The following ZZZ3 variants were observed in gnomAD, a reference collection of about 807,000 sequenced individuals.
The protein encoded by ZZZ3 is ZZ-type zinc finger-containing protein 3.
In ZZZ3, 22 loss-of-function variants were observed where a neutral mutation model predicts 95.2. The observed-to-expected ratio is 0.23, with a 90% CI of 0.17 to 0.33. The LOEUF is 0.33. Among genes scored for constraint, ZZZ3 ranks in the 10% least tolerant of loss-of-function variants. The pLI is 1.00. For missense variants in ZZZ3, 885 were observed against 1,066.5 expected (o/e 0.83, Z 2.37); for synonymous variants, 335 against 358.9 (o/e 0.93, Z 0.75).
chr1:77,620,318 CATTTT>C (rs1318969021), intron 5 of ZZZ3, among the ~76,000 whole-genome samples: 17 of 152,148 alleles, frequency 1.1e-4, no homozygotes, highest in African/African-American at 3.9e-4. Context: ...TGCAATGATT[CATTTT>C]AAAGAGTCGA....
At chr1:77,638,200 A>G (rs1380593319) in intron 4 of ZZZ3, among the ~76,000 whole-genome samples, 1 of 152,164 alleles carries the variant, frequency 6.6e-6, no homozygotes, top group Admixed American at 6.5e-5. Context: ...ATATCTGAGA[A>G]GGACTAGTCA....
intron 4 of ZZZ3, among the ~76,000 whole-genome samples, chr1:77,637,805 A>C (rs760907783): frequency 3.3e-5 from 5 of 152,232 alleles, no homozygotes; most frequent in Non-Finnish European, 7.3e-5. Context: ...TACAATAAAG[A>C]AGCTTAGAGT....
chr1:77,678,770 T>A (rs941795583), intron 1 of ZZZ3, among the ~76,000 whole-genome samples: 3 of 152,232 alleles, frequency 2.0e-5, no homozygotes, highest in African/African-American at 7.2e-5. Flanking sequence ...AGTTTCCTAA[T>A]AAAGGCTAAT....
chr1:77,613,826 T>C (rs561868246), intron 5 of ZZZ3, among the ~76,000 whole-genome samples: 1 of 152,252 alleles, frequency 6.6e-6, no homozygotes, highest in African/African-American at 2.4e-5. Flanking sequence ...TATTAAAATT[T>C]GAAAATCTAG....
chr1:77,638,340 T>C lies in ZZZ3; in HGVS notation c.-52+1109A>G, dbSNP rs528479811. Among the ~76,000 whole-genome samples the C allele has an allele frequency of 1.9e-3, 286 of 152,320 alleles. 4 individuals carry two copies. Among genetic ancestry groups the C allele is most frequent in the African/African-American group, 6.6e-3 (273 of 41,572 alleles). ...ATCTACTGTTACCCAAATATAACTA[T>C]AGGATTCTGAAAAACACTCTTTGAA... On this transcript the variant is annotated intron_variant, in intron 4 of 14. Transcript: ENST00000370801.
At chr1:77,664,086 G>GAA (rs956746859) in intron 1 of ZZZ3, among the ~76,000 whole-genome samples, 1 of 133,614 alleles carries the variant, frequency 7.5e-6, no homozygotes, top group Non-Finnish European at 1.6e-5. Context: ...AAATGTCTTG[G>GAA]AAAAAAAAAA....
intron 4 of ZZZ3, among the ~76,000 whole-genome samples, chr1:77,636,927 T>C (rs901889373): frequency 6.6e-6 from 1 of 152,214 alleles, no homozygotes; most frequent in African/African-American, 2.4e-5. Flanking sequence ...GCTAGGATTG[T>C]CAAATTCTGT....
chr1:77,668,498 A>C (rs551514538), intron 1 of ZZZ3, among the ~76,000 whole-genome samples: 1 of 152,332 alleles, frequency 6.6e-6, no homozygotes, highest in South Asian at 2.1e-4. Context: ...TATCAAGTAC[A>C]TTATATACTC....
intron 13 of ZZZ3, 131 bp downstream of exon 13, chr1:77,568,201 C>T (rs1228654233): frequency 3.0e-6 from 2 of 660,896 alleles, no homozygotes; most frequent in Non-Finnish European, 4.8e-6. Flanking sequence ...ATCGCTTGAA[C>T]CCGGGAGGCA....
chr1:77,631,950 C>A lies in ZZZ3; in HGVS notation c.1405G>T (p.Ala469Ser). 1 of 1,614,060 alleles carries A rather than the reference C, an allele frequency of 6.2e-7. No homozygotes were observed. The highest frequency in any genetic ancestry group is 1.1e-5 in the South Asian group (1 of 91,070). ...ARLNIGHLPS[A>S]KESASQHITE... ...ATGTGCTGACTGGCACTCTCTTTGG[C>A]AGATGGCAAATGTCCAATATTGAGT... Residue 469 changes from alanine (A) to serine (S), a missense_variant, in exon 5 of 15, where the codon GCC becomes TCC. Physicochemically the swap from Ala to Ser is moderately conservative, Grantham distance 99. This residue lies in a region of ZZZ3 where 556 missense variants were observed against 652.9 expected (regional missense o/e 0.85). Transcript: ENST00000370801.
At chr1:77,665,640 T>C (rs975980704) in intron 1 of ZZZ3, among the ~76,000 whole-genome samples, 1 of 152,212 alleles carries the variant, frequency 6.6e-6, no homozygotes, top group African/African-American at 2.4e-5. Context: ...AATACTGGAA[T>C]GTTTAAGAAA....
At chr1:77,600,958 T>G (rs1024804465) in intron 5 of ZZZ3, among the ~76,000 whole-genome samples, 1 of 152,190 alleles carries the variant, frequency 6.6e-6, no homozygotes, top group African/African-American at 2.4e-5. Context: ...AGTTTTAACC[T>G]GGAGAATCAC....
intron 5 of ZZZ3, among the ~76,000 whole-genome samples, chr1:77,590,020 G>C (rs1663517854): frequency 6.6e-6 from 1 of 152,074 alleles, no homozygotes; most frequent in East Asian, 1.9e-4. Context: ...TCCATATCAA[G>C]GACACTCTGC....
chr1:77,634,076 A>C (rs534508105), intron 4 of ZZZ3, among the ~76,000 whole-genome samples: 55 of 152,254 alleles, frequency 3.6e-4, no homozygotes, highest in Middle Eastern at 3.4e-3. Context: ...AGGCTGAGGC[A>C]GGAAAATTAC....
chr1:77,608,564 CA>C (rs1338855879), intron 5 of ZZZ3, among the ~76,000 whole-genome samples: 1 of 152,098 alleles, frequency 6.6e-6, no homozygotes, highest in East Asian at 1.9e-4. Flanking sequence ...TCTGAAGGTA[CA>C]AAACTCACTG....
chr1:77,615,265 A>G (rs1666199099), intron 5 of ZZZ3, among the ~76,000 whole-genome samples: 1 of 152,260 alleles, frequency 6.6e-6, no homozygotes, highest in Non-Finnish European at 1.5e-5. Flanking sequence ...CAATAACAGT[A>G]TGAATTCCCA....
chr1:77,608,773 T>A (rs1028317052), intron 5 of ZZZ3, among the ~76,000 whole-genome samples: 1 of 152,148 alleles, frequency 6.6e-6, no homozygotes, highest in African/African-American at 2.4e-5. Context: ...TTTTTTTAAG[T>A]CTTGTTTTTG....
chr1:77,576,675 T>G (rs1185849680), intron 11 of ZZZ3, among the ~76,000 whole-genome samples: 1 of 152,138 alleles, frequency 6.6e-6, no homozygotes, highest in Admixed American at 6.5e-5. Flanking sequence ...CTGCTTATTC[T>G]ATGCCAGGGT....
In ZZZ3 at chr1:77,633,129, T is replaced by C. The variant is rs1667963769; in HGVS notation, c.226A>G (p.Thr76Ala). 1 of 1,613,996 alleles carries C rather than the reference T, an allele frequency of 6.2e-7. No homozygotes were observed. The highest frequency in any genetic ancestry group is 1.3e-5 in the African/African-American group (1 of 75,042). The change falls in exon 5 of 15, where the codon ACC becomes GCC. Residue 76 changes from threonine (T) to alanine (A), a missense_variant. By Grantham distance (58) the Thr-to-Ala change is moderately conservative (BLOSUM62 0). Transcript: ENST00000370801. ...GRTTDLKQQS[T>A]RESWVSPRKR... ...CTAGGGCTTACCCATGATTCTCGGG[T>C]ACTCTGCTGTTTTAAATCAGTGGTT... is the stretch of plus-strand genomic sequence containing the variant.
Sources: allele counts gnomAD v4.1 joint callset (sites outside exome capture counted in the v4.1 genomes callset), GRCh38; gene constraint gnomAD v4.1.1; regional missense constraint gnomAD v4.1.1; transcripts MANE v1.5; gene names NCBI Gene and HGNC (gene_info 2026-07-23, HGNC 2026-07-21).